RBFOX1: variants seen among roughly 807,000 people sequenced by gnomAD.
The protein encoded by RBFOX1 is RNA binding protein fox-1 homolog 1.
Under a neutral mutation model 57.7 loss-of-function variants are expected in RBFOX1, and 8 were observed. The observed-to-expected ratio is 0.14, with a 90% CI of 0.08 to 0.25. The LOEUF is 0.25. Among genes scored for constraint, RBFOX1 ranks in the 10% least tolerant of loss-of-function variants. The pLI is 1.00. For missense variants in RBFOX1, 611 were observed against 548.5 expected (o/e 1.11, Z -1.14); for synonymous variants, 326 against 222.4 (o/e 1.47, Z -4.15).
chr16:7,090,392 G>A (rs528425785), intron 4 of RBFOX1, among the ~76,000 whole-genome samples: 7 of 152,264 alleles, frequency 4.6e-5, no homozygotes, highest in African/African-American at 1.4e-4. Context: ...AGATGGTATA[G>A]TCTCCCTTCT....
chr16:7,427,618 C>T (rs1856998168), intron 4 of RBFOX1, among the ~76,000 whole-genome samples: 1 of 151,442 alleles, frequency 6.6e-6, no homozygotes, highest in Admixed American at 6.6e-5. Context: ...TTTTCTTTTT[C>T]TTCTTCTTTT....
chr16:6,019,755 G>C lies in RBFOX1; in HGVS notation c.-364G>C, dbSNP rs2095030634. 1 of 1,391,364 alleles carries C rather than the reference G, an allele frequency of 7.2e-7. No individual in the cohort carries two copies. Among genetic ancestry groups the C allele is most frequent in the Admixed American group, 3.0e-5 (1 of 33,884 alleles). The allele number at this position is 1,391,364 out of a possible 1,614,324, so 86.2% of individuals were successfully genotyped here. On this transcript the variant is annotated 5_prime_UTR_variant, in exon 1 of 16. Coordinates refer to ENST00000550418, the MANE Select transcript of RBFOX1 (RefSeq NM_018723.4). This position sits in a 1 kb window ranked among gnomAD's most constrained non-coding sequence, Gnocchi z 4.2. ...CGGGATTGAGAGTCCTTGCGCTCCA[G>C]ACCCCCACCCAGTGGCCGCCAGGGT... is the stretch of plus-strand genomic sequence containing the variant.
At chr16:5,793,744 CGT>C (rs370857188) in intron 3 of RBFOX1, among the ~76,000 whole-genome samples, 1 of 151,856 alleles carries the variant, frequency 6.6e-6, no homozygotes, top group East Asian at 1.9e-4. Flanking sequence ...CATGTGCCTT[CGT>C]GTGTGTGTGT....
chr16:5,869,800 C>T (rs1487888888), intron 4 of RBFOX1, among the ~76,000 whole-genome samples: 1 of 152,150 alleles, frequency 6.6e-6, no homozygotes, highest in African/African-American at 2.4e-5. Flanking sequence ...GTTTAAAAAT[C>T]CAACAATTCC....
chr16:7,487,581 C>A (rs2065759886), intron 4 of RBFOX1, among the ~76,000 whole-genome samples: 1 of 152,190 alleles, frequency 6.6e-6, no homozygotes, highest in Non-Finnish European at 1.5e-5. Flanking sequence ...TGCCATCTCT[C>A]TTCCCATGCA....
chr16:7,188,798 C>T (rs1045547798), intron 4 of RBFOX1, among the ~76,000 whole-genome samples: 9 of 152,052 alleles, frequency 5.9e-5, no homozygotes, highest in Middle Eastern at 3.2e-3. Flanking sequence ...GGGCATGCTA[C>T]GAAGGAACCA....
chr16:6,801,556 A>T (rs947402161), intron 3 of RBFOX1, among the ~76,000 whole-genome samples: 1 of 152,104 alleles, frequency 6.6e-6, no homozygotes, highest in Admixed American at 6.6e-5. Flanking sequence ...TTTAGGGTGC[A>T]GCAAAAGGAA....
At chr16:7,414,520 T>G (rs552759463) in intron 4 of RBFOX1, among the ~76,000 whole-genome samples, 2 of 152,354 alleles carry the variant, frequency 1.3e-5, no homozygotes, top group African/African-American at 4.8e-5. Context: ...TTTCTTTTGA[T>G]AGAAAAGTGT....
At chr16:7,448,702 C>T (rs1252076458) in intron 4 of RBFOX1, among the ~76,000 whole-genome samples, 2 of 152,140 alleles carry the variant, frequency 1.3e-5, no homozygotes, top group African/African-American at 4.8e-5. Flanking sequence ...CCCAGCAATC[C>T]TGGGTGATCC....
At chr16:7,368,592 C>T (rs1213761568) in intron 4 of RBFOX1, among the ~76,000 whole-genome samples, 1 of 151,822 alleles carries the variant, frequency 6.6e-6, no homozygotes, top group East Asian at 1.9e-4. Flanking sequence ...TCCTGGCTAA[C>T]ACGGTGAAAC....
At chr16:7,044,660 G>A (rs75902235) in intron 3 of RBFOX1, among the ~76,000 whole-genome samples, 1 of 152,046 alleles carries the variant, frequency 6.6e-6, no homozygotes, top group Non-Finnish European at 1.5e-5. Context: ...TTTTCATTTA[G>A]GCCATAAAAT....
chr16:5,486,391 G>C (rs1410409201), intron 2 of RBFOX1, among the ~76,000 whole-genome samples: 2 of 152,150 alleles, frequency 1.3e-5, no homozygotes. Context: ...AGGAGCCGAG[G>C]GGACCAATGA....
chr16:7,033,018 G>T (rs959758350), intron 3 of RBFOX1, among the ~76,000 whole-genome samples: 2 of 152,160 alleles, frequency 1.3e-5, no homozygotes, highest in African/African-American at 4.8e-5. Flanking sequence ...AAAAATAGCA[G>T]GAGCACCTAC....
At chr16:6,126,919 T>C (rs1398815046) in intron 1 of RBFOX1, among the ~76,000 whole-genome samples, 1 of 152,108 alleles carries the variant, frequency 6.6e-6, no homozygotes. Context: ...GGTTATGCCT[T>C]ATGCCAGGTA....
intron 3 of RBFOX1, among the ~76,000 whole-genome samples, chr16:6,833,121 T>C (rs2092828488): frequency 6.6e-6 from 1 of 151,726 alleles, no homozygotes; most frequent in Non-Finnish European, 1.5e-5. Context: ...CTGTGGCACT[T>C]TCCTTTTTTT....
chr16:7,032,500 A>C (rs2043070225), intron 3 of RBFOX1, among the ~76,000 whole-genome samples: 1 of 152,128 alleles, frequency 6.6e-6, no homozygotes, highest in Admixed American at 6.5e-5. Context: ...TTTTAAAGGA[A>C]AAAAATAAAA....
chr16:7,387,577 A>G (rs761592766), intron 4 of RBFOX1, among the ~76,000 whole-genome samples: 4 of 152,172 alleles, frequency 2.6e-5, no homozygotes, highest in Middle Eastern at 3.2e-3. Flanking sequence ...AAATAAATCC[A>G]TACGCCTTCA....
intron 4 of RBFOX1, among the ~76,000 whole-genome samples, chr16:7,339,090 G>A (rs143579518): frequency 1.8e-4 from 27 of 152,304 alleles, no homozygotes; most frequent in African/African-American, 6.3e-4. Flanking sequence ...AGTCAAACAG[G>A]TCCAGGTTGA....
At chr16:6,669,727 G>A (rs2098752516) in intron 3 of RBFOX1, among the ~76,000 whole-genome samples, 1 of 152,036 alleles carries the variant, frequency 6.6e-6, no homozygotes, top group Admixed American at 6.6e-5. Flanking sequence ...TCAACTGAAA[G>A]GTTTTCTGGG....
Sources: gnomAD v4.1 joint callset for allele counts (sites outside exome capture counted in the v4.1 genomes callset) on GRCh38, gnomAD v4.1.1 for gene constraint, Gnocchi (gnomAD v3.1) non-coding constraint, MANE v1.5 for transcripts, NCBI Gene and HGNC (gene_info 2026-07-23, HGNC 2026-07-21) for gene names.